The following TMPRSS11B variants were observed in gnomAD, a reference collection of about 807,000 sequenced individuals.
TMPRSS11B encodes transmembrane protease serine 11B.
Under a neutral mutation model 44.7 loss-of-function variants are expected in TMPRSS11B, and 53 were observed. The ratio of observed to expected loss-of-function variants is 1.19; its 90% CI spans 0.95 to 1.49. The LOEUF (loss-of-function observed/expected upper bound fraction) is 1.49. TMPRSS11B is among the 40% of genes most tolerant of loss of function. The pLI, the probability that TMPRSS11B is intolerant of heterozygous loss-of-function variation, is 0.00. For missense variants in TMPRSS11B, 526 were observed against 494.8 expected, an observed-to-expected ratio of 1.06 and a Z score of -0.60; for synonymous variants, 140 against 159.2, an observed-to-expected ratio of 0.88 and a Z score of 0.91.
intron 8 of TMPRSS11B, among the ~76,000 whole-genome samples, 171 bp downstream of exon 8, chr4:68,229,086 T>C (rs1234693863): frequency 6.6e-6 from 1 of 152,164 alleles, no homozygotes; most frequent in African/African-American, 2.4e-5. Flanking sequence ...CCAGAGATAT[T>C]TTAGGAAGTG....
chr4:68,232,529 A>G, intron 5 of TMPRSS11B, 113 bp from the exon 6 acceptor site: 1 of 938,350 alleles, frequency 1.1e-6, no homozygotes, highest in Non-Finnish European at 1.7e-6. Context: ...TCCAACATTT[A>G]ACTATTTGGA....
intron 1 of TMPRSS11B, among the ~76,000 whole-genome samples, chr4:68,242,547 T>C (rs1380665524): frequency 2.0e-5 from 3 of 147,738 alleles, no homozygotes; most frequent in African/African-American, 7.6e-5. Flanking sequence ...TTCTAATTTT[T>C]CTTTTTTTTA....
chr4:68,245,458 A>G, intron 1 of TMPRSS11B, 93 bp downstream of exon 1: 3 of 1,354,740 alleles, frequency 2.2e-6, no homozygotes, highest in Non-Finnish European at 3.2e-6. Flanking sequence ...AAACTAAATT[A>G]TAAAAACAGT....
chr4:68,229,215 G>T (rs745643590), intron 8 of TMPRSS11B, 42 bp downstream of exon 8: 2 of 1,354,096 alleles, frequency 1.5e-6, no homozygotes, highest in Non-Finnish European at 2.0e-6. Flanking sequence ...TGATTAAATA[G>T]TTATTCCCAT....
At chr4:68,232,182 T>TA (rs1216150879) in intron 6 of TMPRSS11B, 196 bp downstream of exon 6, 2 of 362,428 alleles carry the variant, frequency 5.5e-6, no homozygotes, top group Non-Finnish European at 1.0e-5. Context: ...TTTTTATATA[T>TA]TTTTTAATAA....
Position 68,228,939 on chromosome 4 carries a change from G to A in TMPRSS11B, c.947-55C>T. The A allele has an allele frequency of 1.1e-5, 17 of 1,563,410 alleles. 1 individual carries two copies. In the South Asian group the frequency reaches 2.1e-4, roughly 19 times the overall value. ...AGATCTTAGACTTTGCTGGGACAAA[G>A]AATATCTACCTATAGCATAAAGCAG... On this transcript the variant is annotated intron_variant, in intron 8 of 9. Coordinates refer to ENST00000332644, the MANE Select transcript of TMPRSS11B (RefSeq NM_182502.3).
At position 68,227,885 on chromosome 4, in the gene TMPRSS11B, T is replaced by C. The variant is rs758195178; in HGVS notation, c.*26A>G. ...TAAGGATAGCCTACAGTGGTCTTTA[T>C]GTTCCTTTGTATAATTCCTTTTTTT... On this transcript the variant is annotated 3_prime_UTR_variant, in exon 10 of 10. Coordinates refer to ENST00000332644, the MANE Select transcript of TMPRSS11B (RefSeq NM_182502.3). 4 of 1,562,116 alleles carry C rather than the reference T, an allele frequency of 2.6e-6. No individual in the cohort carries two copies. Among genetic ancestry groups the C allele is most frequent in the Non-Finnish European group, 3.5e-6 (4 of 1,157,742 alleles).
At position 68,241,620 on chromosome 4, in the gene TMPRSS11B, G is replaced by GT. The variant is rs201909019; in HGVS notation, c.124+68dup. 2.3e-4 allele frequency: 219 copies of GT among 952,092 alleles called. 1 individual carries two copies. The highest frequency in any genetic ancestry group is 1.4e-3 in the African/African-American group (86 of 60,076). 59.0% of individuals were successfully genotyped at this position (952,092 alleles called of 1,614,324 possible). ...CAAGAAGAAATTTAATGTTCATGTT[G>GT]TTTTTTTTCAATTTTTAAAATTTAA... On this transcript the variant is annotated intron_variant, in intron 2 of 9. Coordinates refer to ENST00000332644, the MANE Select transcript of TMPRSS11B (RefSeq NM_182502.3).
At chr4:68,240,319 C>A (rs138571017) in intron 2 of TMPRSS11B, among the ~76,000 whole-genome samples, 1 of 152,208 alleles carries the variant, frequency 6.6e-6, no homozygotes, top group East Asian at 1.9e-4. Context: ...TTTACCACAG[C>A]GTTTGTGTCC....
intron 7 of TMPRSS11B, among the ~76,000 whole-genome samples, chr4:68,230,718 C>T (rs377362224): frequency 2.0e-4 from 30 of 151,698 alleles, no homozygotes; most frequent in African/African-American, 6.8e-4. Context: ...ACAGGAGAAT[C>T]GCTTAAACCC....
rs900124745 is a variant in TMPRSS11B, at chr4:68,226,761, G to A, written c.*1150C>T. ...ATTATTTGTAGAGATTACAAAGTTA[G>A]CCATCCATATGATTGCACTTTTACT... On this transcript the variant is annotated 3_prime_UTR_variant, in exon 10 of 10. Transcript: ENST00000332644. The A allele has an allele frequency of 5.9e-5, 9 of 152,176 alleles. No homozygotes were observed. Among genetic ancestry groups the A allele is most frequent in the Non-Finnish European group, 1.5e-5 (1 of 68,028 alleles). The allele number at this position is 152,176 out of a possible 1,614,324, so 9.4% of individuals were successfully genotyped here. A position where few individuals can be genotyped will look rare whatever the true frequency, so the allele number is the denominator to read the frequency against.
At chr4:68,233,523 T>A (rs1719577694) in intron 5 of TMPRSS11B, among the ~76,000 whole-genome samples, 1 of 152,064 alleles carries the variant, frequency 6.6e-6, no homozygotes, top group Admixed American at 6.5e-5. Context: ...GTGAGAAGCT[T>A]TTGGGAAAGA....
chr4:68,235,464 A>G (rs1437028845), intron 4 of TMPRSS11B, among the ~76,000 whole-genome samples: 2 of 151,990 alleles, frequency 1.3e-5, no homozygotes, highest in Non-Finnish European at 2.9e-5. Flanking sequence ...CCCATACACT[A>G]TACCCTCCTC....
intron 7 of TMPRSS11B, among the ~76,000 whole-genome samples, chr4:68,230,803 C>CAAAA (rs34025669): frequency 7.8e-6 from 1 of 128,812 alleles, no homozygotes. Flanking sequence ...GACTCCATCT[C>CAAAA]AAAAAAAAAA....
chr4:68,231,520 C>A, intron 6 of TMPRSS11B, 140 bp from the exon 7 acceptor site: 1 of 781,768 alleles, frequency 1.3e-6, no homozygotes, highest in East Asian at 2.8e-5. Context: ...CTACAAGATA[C>A]TCCTGTGATG....
At chr4:68,230,496 A>G (rs942868427) in intron 7 of TMPRSS11B, among the ~76,000 whole-genome samples, 1 of 152,130 alleles carries the variant, frequency 6.6e-6, no homozygotes, top group African/African-American at 2.4e-5. Flanking sequence ...TTGAATTCAC[A>G]TTCAGTTTCT....
chr4:68,245,418 A>T, intron 1 of TMPRSS11B, 133 bp downstream of exon 1: 1 of 966,882 alleles, frequency 1.0e-6, no homozygotes. Flanking sequence ...CTCAGACAAT[A>T]GAGTGTTTCT....
chr4:68,239,695 C>T (rs1243396089), intron 2 of TMPRSS11B, among the ~76,000 whole-genome samples: 2 of 152,098 alleles, frequency 1.3e-5, no homozygotes, highest in Non-Finnish European at 2.9e-5. Flanking sequence ...GATTTTATTA[C>T]CTCTCTAAAA....
rs779856447 is a variant in TMPRSS11B, at chr4:68,229,322, G to C, written c.881C>G (p.Ala294Gly). The C allele has an allele frequency of 5.6e-6, 9 of 1,613,578 alleles. No homozygotes were observed. The Admixed American group carries it at 8.3e-5, about 15-fold the overall frequency. ...GTCATTTTCTGAGAGCTTCATTTTG[G>C]CTTCAGGAAGACAAATCTTACGAAT... ...EYIRKICLPE[A>G]KMKLSENDNV... Residue 294 changes from alanine to glycine, a missense_variant, in exon 8 of 10, where the codon GCC becomes GGC. Transcript: ENST00000332644.
Sources: gnomAD v4.1 joint callset for allele counts (sites outside exome capture counted in the v4.1 genomes callset) on GRCh38, gnomAD v4.1.1 for gene constraint, MANE v1.5 for transcripts, NCBI Gene and HGNC (gene_info 2026-07-23, HGNC 2026-07-21) for gene names.